SLC9A8: variants seen among roughly 807,000 people sequenced by gnomAD.
SLC9A8 encodes the protein solute carrier family 9 member A8, also known as sodium/hydrogen exchanger 8.
Under a neutral mutation model 66.6 loss-of-function variants are expected in SLC9A8, and 48 were observed. That is an observed-to-expected ratio of 0.72 (90% confidence interval 0.57 to 0.92). The LOEUF is 0.92. Ranked by LOEUF, SLC9A8 falls within the 40% of genes least tolerant of loss-of-function variation. The pLI is 0.00. For synonymous variants in SLC9A8, 274 were observed against 282.6 expected (o/e 0.97, Z 0.31); for missense variants, 599 against 747.3 (o/e 0.80, Z 2.31).
At position 49,886,672 on chromosome 20, in the gene SLC9A8, G is replaced by A. The variant is rs2146790827; in HGVS notation, c.1492-80G>A. The A allele has an allele frequency of 2.6e-6, 4 of 1,529,196 alleles. No individual in the cohort carries two copies. The highest frequency in any genetic ancestry group is 3.6e-6 in the Non-Finnish European group (4 of 1,125,256). The allele number at this position is 1,529,196 out of a possible 1,614,324, so 94.7% of individuals were successfully genotyped here. A position where few individuals can be genotyped will look rare whatever the true frequency, so the allele number is the denominator to read the frequency against. ...TTAGGGTTGGGGACACTGGCGGCCT[G>A]GGTGGTGTGGGGGCTTCCAGGAGGT... On this transcript the variant is annotated intron_variant, in intron 14 of 15. Transcript: ENST00000361573. This position sits in a 1 kb window ranked among gnomAD's most constrained non-coding sequence, Gnocchi z 4.8.
chr20:49,830,735 G>C lies in SLC9A8; in HGVS notation c.289+7594G>C, dbSNP rs556175443. On this transcript the variant is annotated intron_variant, in intron 3 of 15. Coordinates refer to ENST00000361573, the MANE Select transcript of SLC9A8 (RefSeq NM_015266.3). ...GTGAAGTTGGCAACGCAGCCAAGAT[G>C]ATGCTGATTGTAAACATAGTCCAAG... is the stretch of plus-strand genomic sequence containing the variant. 624 of 727,216 alleles carry C rather than the reference G, an allele frequency of 8.6e-4. 5 individuals carry two copies. The highest frequency in any genetic ancestry group is 1.9e-4 in the Non-Finnish European group (75 of 404,146). 45.0% of individuals were successfully genotyped at this position (727,216 alleles called of 1,614,324 possible).
chr20:49,819,903 C>T (rs552567590), intron 2 of SLC9A8, among the ~76,000 whole-genome samples: 8 of 152,158 alleles, frequency 5.3e-5, no homozygotes, highest in Admixed American at 4.6e-4. Flanking sequence ...AGTAATATTC[C>T]ACTGTATGGA....
At chr20:49,815,787 A>G (rs1425387525) in intron 2 of SLC9A8, among the ~76,000 whole-genome samples, 2 of 152,032 alleles carry the variant, frequency 1.3e-5, no homozygotes, top group East Asian at 1.9e-4. Context: ...ATGGATTTCA[A>G]GTTCTACTCA....
rs1401582375 is a variant in SLC9A8, at chr20:49,889,324, T to A, written c.*1388T>A. The A allele has an allele frequency of 6.6e-6, 1 of 152,260 alleles. No homozygotes were observed. The highest frequency in any genetic ancestry group is 2.4e-5 in the African/African-American group (1 of 41,460). The allele number at this position is 152,260 out of a possible 1,614,324, so 9.4% of individuals were successfully genotyped here. ...TTCTCAAGGGACACAGTGGCCTGCATGGGCCAGCATGGACCCTGGGCTGAT... is the reference window on the plus strand; with the variant it reads ...TTCTCAAGGGACACAGTGGCCTGCAAGGGCCAGCATGGACCCTGGGCTGAT... On this transcript the variant is annotated 3_prime_UTR_variant, in exon 16 of 16. Coordinates refer to ENST00000361573, the MANE Select transcript of SLC9A8 (RefSeq NM_015266.3).
intron 7 of SLC9A8, among the ~76,000 whole-genome samples, chr20:49,854,739 A>T (rs2088398630): frequency 6.6e-6 from 1 of 152,218 alleles, no homozygotes; most frequent in East Asian, 1.9e-4. Context: ...TTGGGGCAGT[A>T]GTAGCAGTCT....
rs746697937 is a variant in SLC9A8 at position 49,855,565 on chromosome 20, T to C, written c.697T>C (p.Ser233Pro). The change falls in exon 8 of 16, where the codon TCC (serine) becomes CCC (proline). Residue 233 changes from serine (S) to proline (P), a missense_variant. By Grantham distance (74) the Ser-to-Pro change is moderately conservative (BLOSUM62 -1). Coordinates refer to ENST00000361573, the MANE Select transcript of SLC9A8 (RefSeq NM_015266.3). The stretch of plus-strand genomic sequence containing the variant: ...AGAAAGTATTCTCAACGATGCAGTC[T>C]CCATTGTTCTGACCAAGTAAGTACG... ...FGESILNDAVSIVLTNTAEGL... is the reference protein window; with the variant it reads ...FGESILNDAVPIVLTNTAEGL... The C allele has an allele frequency of 1.2e-6, 2 of 1,614,172 alleles. No homozygotes were observed. Among genetic ancestry groups the C allele is most frequent in the East Asian group, 2.2e-5 (1 of 44,874 alleles).
rs768724377 is a variant in SLC9A8 at position 49,864,853 on chromosome 20, C to G, written c.958+9C>G. The G allele has an allele frequency of 1.3e-6, 2 of 1,559,360 alleles. No homozygotes were observed. Among genetic ancestry groups the G allele is most frequent in the South Asian group, 1.1e-5 (1 of 90,018 alleles). ...AGGAATCTCACTCTCAGGTAAGTGA[C>G]AGAGAGCCTGAAAGTGCTGTGGTGA... On this transcript the variant is annotated intron_variant, in intron 10 of 15. Coordinates refer to ENST00000361573, the MANE Select transcript of SLC9A8 (RefSeq NM_015266.3).
At position 49,888,807 on chromosome 20, in the gene SLC9A8, TCA is replaced by T. The variant is rs1233842424; in HGVS notation, c.*872_*873del. 6.6e-6 allele frequency: 1 copy of T among 152,396 alleles called. No individual in the cohort carries two copies. Among genetic ancestry groups the T allele is most frequent in the African/African-American group, 2.4e-5 (1 of 41,456 alleles). 9.4% of individuals were successfully genotyped at this position (152,396 alleles called of 1,614,324 possible). On this transcript the variant is annotated 3_prime_UTR_variant, in exon 16 of 16. Coordinates refer to ENST00000361573, the MANE Select transcript of SLC9A8 (RefSeq NM_015266.3). ...ATCTCCCTCCCCACCATTCCCGTAC[TCA>T]GTTGTTCTTTTGTCTAATCGGAGGC...
At chr20:49,864,867 G>A (rs2088896983) in intron 10 of SLC9A8, 23 bp downstream of exon 10, 2 of 1,480,590 alleles carry the variant, frequency 1.4e-6, no homozygotes, top group Non-Finnish European at 1.9e-6. Context: ...GAGCCTGAAA[G>A]TGCTGTGGTG....
chr20:49,828,824 G>C (rs1486543877), intron 3 of SLC9A8, among the ~76,000 whole-genome samples: 1 of 151,384 alleles, frequency 6.6e-6, no homozygotes, highest in Non-Finnish European at 1.5e-5. Flanking sequence ...GGGTGACAGA[G>C]TGAGACTCTG....
chr20:49,860,313 C>T (rs1441879501), intron 8 of SLC9A8, among the ~76,000 whole-genome samples: 1 of 152,146 alleles, frequency 6.6e-6, no homozygotes, highest in Non-Finnish European at 1.5e-5. Flanking sequence ...TTCTTTTTTG[C>T]AAGACTTCTC....
intron 10 of SLC9A8, among the ~76,000 whole-genome samples, chr20:49,871,837 AT>A (rs2089218129): frequency 6.6e-6 from 1 of 152,206 alleles, no homozygotes; most frequent in Non-Finnish European, 1.5e-5. Flanking sequence ...GGGCTTACTT[AT>A]CCATATAGAA....
chr20:49,888,292 A>G lies in SLC9A8; in HGVS notation c.*356A>G, dbSNP rs1240403097. 1 of 261,754 alleles carries G rather than the reference A, an allele frequency of 3.8e-6. No homozygotes were observed. The highest frequency in any genetic ancestry group is 3.5e-5 in the South Asian group (1 of 28,754). The allele number at this position is 261,754 out of a possible 1,614,324, so 16.2% of individuals were successfully genotyped here. On this transcript the variant is annotated 3_prime_UTR_variant, in exon 16 of 16. Transcript: ENST00000361573. ...CCTGCGGCCCCCTGCCTAGAGGAGC[A>G]CCATCTACAGTTGTGCCATTCCCCA... is the stretch of plus-strand genomic sequence containing the variant.
intron 4 of SLC9A8, among the ~76,000 whole-genome samples, chr20:49,844,805 AAAT>A (rs918148035): frequency 2.7e-5 from 4 of 150,588 alleles, no homozygotes; most frequent in Non-Finnish European, 3.0e-5. Flanking sequence ...CTCTGTCTCA[AAAT>A]AATAATAATA....
chr20:49,834,722 A>T (rs1261488227), intron 3 of SLC9A8, among the ~76,000 whole-genome samples: 1 of 152,082 alleles, frequency 6.6e-6, no homozygotes, highest in East Asian at 1.9e-4. Flanking sequence ...TAAATAATAA[A>T]AAGACGCAGG....
intron 3 of SLC9A8, among the ~76,000 whole-genome samples, chr20:49,832,265 G>A (rs913731003): frequency 2.0e-5 from 3 of 152,116 alleles, no homozygotes. Flanking sequence ...TCTTGATATG[G>A]AAATGAGTGT....
intron 10 of SLC9A8, 92 bp from the exon 11 acceptor site, chr20:49,874,612 TA>T: frequency 1.2e-6 from 1 of 828,392 alleles, no homozygotes; most frequent in Non-Finnish European, 2.1e-6. Flanking sequence ...TTAAACCCTC[TA>T]ATGCTCTAGG....
chr20:49,838,606 T>A (rs2087637031), intron 3 of SLC9A8, among the ~76,000 whole-genome samples: 1 of 152,236 alleles, frequency 6.6e-6, no homozygotes, highest in African/African-American at 2.4e-5. Flanking sequence ...CTTTTCCTGC[T>A]CAGCTTCTGT....
At chr20:49,862,624 C>T (rs913416338) in intron 8 of SLC9A8, among the ~76,000 whole-genome samples, 1 of 152,152 alleles carries the variant, frequency 6.6e-6, no homozygotes, top group African/African-American at 2.4e-5. Context: ...TACCTACCCA[C>T]CCTGCTTTTC....
Sources: gnomAD v4.1 joint callset for allele counts (sites outside exome capture counted in the v4.1 genomes callset) on GRCh38, gnomAD v4.1.1 for gene constraint, Gnocchi (gnomAD v3.1) non-coding constraint, MANE v1.5 for transcripts, NCBI Gene and HGNC (gene_info 2026-07-23, HGNC 2026-07-21) for gene names.